The following VWC2 variants were observed in gnomAD, a reference collection of about 807,000 sequenced individuals.
VWC2 encodes brorin.
A neutral mutation model predicts 29.8 loss-of-function variants in VWC2; 14 were observed. The ratio of observed to expected loss-of-function variants is 0.47; its 90% confidence interval spans 0.31 to 0.74. The LOEUF (loss-of-function observed/expected upper bound fraction) is 0.74. Ranked by LOEUF, VWC2 falls within the 30% of genes least tolerant of loss-of-function variation. The probability of loss-of-function intolerance (pLI) is 0.05; values close to 1 mark genes in which losing one functional copy is unlikely to be tolerated. For synonymous variants in VWC2, 213 were observed against 199.0 expected (o/e 1.07, Z -0.59); for missense variants, 457 against 459.8 (o/e 0.99, Z 0.05).
chr7:49,879,824 T>C (rs1055050775), intron 3 of VWC2, among the ~76,000 whole-genome samples: 1 of 152,178 alleles, frequency 6.6e-6, no homozygotes, highest in Non-Finnish European at 1.5e-5. Context: ...TCAGTGGATA[T>C]TTTTCTCATT....
intron 3 of VWC2, among the ~76,000 whole-genome samples, chr7:49,853,080 A>C (rs1790259559): frequency 6.6e-6 from 1 of 152,260 alleles, no homozygotes; most frequent in South Asian, 2.1e-4. Flanking sequence ...CAGCATGCCC[A>C]GCTCTTGCTG....
rs1038049890 is a variant in VWC2 at position 49,801,021 on chromosome 7, T to C, written c.697-1690T>C. 2.8e-4 allele frequency among the ~76,000 whole-genome samples: 43 copies of C among 152,282 alleles called. No homozygotes were observed. In the Middle Eastern group the frequency reaches 0.01, roughly 36 times the overall value. On this transcript the variant is annotated intron_variant, in intron 2 of 3. Coordinates refer to ENST00000340652, the MANE Select transcript of VWC2 (RefSeq NM_198570.5). ...CTAAAGTTTTTCAAAGTTTCCTTTC[T>C]TTTTTACATTTTTTTGGCCAAGTAC...
At chr7:49,901,912 CAG>C (rs1792756652) in intron 3 of VWC2, among the ~76,000 whole-genome samples, 1 of 151,858 alleles carries the variant, frequency 6.6e-6, no homozygotes, top group Admixed American at 6.6e-5. Flanking sequence ...TGTTTGCTAA[CAG>C]AGTAAACATA....
At position 49,919,497 on chromosome 7, in the gene VWC2, C is replaced by T. The variant is rs1793907289; in HGVS notation, c.*7312C>T. The T allele has an allele frequency of 6.6e-6, 1 of 152,046 alleles. No homozygotes were observed. The highest frequency in any genetic ancestry group is 2.1e-4 in the South Asian group (1 of 4,822). The allele number at this position is 152,046 out of a possible 1,614,324, so 9.4% of individuals were successfully genotyped here. A position where few individuals can be genotyped will look rare whatever the true frequency, so the allele number is the denominator to read the frequency against. ...TTGTATGTTCCAATGACATAAAAAACTAAGTGCCTGCTTGGGCTAGTTATA... is the reference window on the plus strand; with the variant it reads ...TTGTATGTTCCAATGACATAAAAAATTAAGTGCCTGCTTGGGCTAGTTATA... On this transcript the variant is annotated 3_prime_UTR_variant, in exon 4 of 4. Transcript: ENST00000340652.
At chr7:49,911,921 A>G (rs938240458) in intron 3 of VWC2, 113 bp from the exon 4 acceptor site, 36 of 743,152 alleles carry the variant, frequency 4.8e-5, no homozygotes, top group Non-Finnish European at 6.3e-5. Flanking sequence ...AAACAAATAC[A>G]CGCACACACA....
chr7:49,855,153 T>C (rs1326462864), intron 3 of VWC2, among the ~76,000 whole-genome samples: 3 of 152,248 alleles, frequency 2.0e-5, no homozygotes, highest in African/African-American at 7.2e-5. Context: ...ACATTAGTCT[T>C]AATAGTTAAT....
At chr7:49,861,766 G>T (rs893292219) in intron 3 of VWC2, among the ~76,000 whole-genome samples, 1 of 152,136 alleles carries the variant, frequency 6.6e-6, no homozygotes, top group Non-Finnish European at 1.5e-5. Context: ...TTTCTTCACT[G>T]AATAGACTTG....
At chr7:49,856,975 A>AC (rs1313282312) in intron 3 of VWC2, among the ~76,000 whole-genome samples, 1 of 122,036 alleles carries the variant, frequency 8.2e-6, no homozygotes, top group African/African-American at 3.2e-5. Context: ...GGGCCACTGC[A>AC]CTCCAACCTG....
At chr7:49,786,490 G>T (rs1788301517) in intron 2 of VWC2, among the ~76,000 whole-genome samples, 1 of 152,198 alleles carries the variant, frequency 6.6e-6, no homozygotes, top group African/African-American at 2.4e-5. Flanking sequence ...TTTCCTTTGG[G>T]TATATACCCA....
intron 3 of VWC2, among the ~76,000 whole-genome samples, chr7:49,805,621 T>G (rs916523164): frequency 1.3e-5 from 2 of 152,222 alleles, no homozygotes; most frequent in African/African-American, 4.8e-5. Context: ...AAATGCTCTA[T>G]AATAACTGAC....
At chr7:49,884,468 G>A (rs531358945) in intron 3 of VWC2, among the ~76,000 whole-genome samples, 14 of 152,236 alleles carry the variant, frequency 9.2e-5, no homozygotes, top group African/African-American at 3.1e-4. Context: ...ATTCGGGGTG[G>A]GGTAAGAAAG....
chr7:49,810,715 T>G (rs768828402), intron 3 of VWC2, among the ~76,000 whole-genome samples: 1 of 152,198 alleles, frequency 6.6e-6, no homozygotes, highest in Non-Finnish European at 1.5e-5. Context: ...AAATCCAGTA[T>G]GCAAATCTTT....
intron 2 of VWC2, among the ~76,000 whole-genome samples, chr7:49,797,306 T>G (rs1666907406): frequency 6.6e-6 from 1 of 152,240 alleles, no homozygotes; most frequent in Non-Finnish European, 1.5e-5. Flanking sequence ...TTACAATTAC[T>G]TGGAAAATTG....
intron 3 of VWC2, among the ~76,000 whole-genome samples, chr7:49,906,626 G>T (rs868215206): frequency 2.7e-4 from 41 of 152,218 alleles, no homozygotes; most frequent in African/African-American, 9.9e-4. Flanking sequence ...GTGAGCCACC[G>T]CACCCAGCCA....
intron 2 of VWC2, among the ~76,000 whole-genome samples, chr7:49,799,076 GA>G (rs1788671778): frequency 6.6e-6 from 1 of 152,228 alleles, no homozygotes. Context: ...TGGCATGGCT[GA>G]AAAGGGCAGG....
intron 3 of VWC2, among the ~76,000 whole-genome samples, chr7:49,898,389 AC>A (rs758487011): frequency 6.6e-5 from 10 of 151,704 alleles, no homozygotes; most frequent in Non-Finnish European, 1.2e-4. Context: ...TGGGTTTCTT[AC>A]CCATACAATT....
intron 3 of VWC2, among the ~76,000 whole-genome samples, chr7:49,816,169 G>T (rs1418242481): frequency 6.6e-6 from 1 of 152,176 alleles, no homozygotes; most frequent in Admixed American, 6.6e-5. Context: ...TGTAAGAATG[G>T]ATGCCGACTA....
chr7:49,788,484 G>T (rs1209177638), intron 2 of VWC2, among the ~76,000 whole-genome samples: 2 of 150,462 alleles, frequency 1.3e-5, no homozygotes, highest in African/African-American at 4.9e-5. Flanking sequence ...AGAGTGTGTG[G>T]GTGTGTAAGA....
At chr7:49,858,375 A>G (rs1790509880) in intron 3 of VWC2, among the ~76,000 whole-genome samples, 1 of 152,148 alleles carries the variant, frequency 6.6e-6, no homozygotes, top group Non-Finnish European at 1.5e-5. Flanking sequence ...CTATGCAGCC[A>G]TAAAAAAGGA....
Sources: gnomAD v4.1 joint callset for allele counts (sites outside exome capture counted in the v4.1 genomes callset) on GRCh38, gnomAD v4.1.1 for gene constraint, MANE v1.5 for transcripts, NCBI Gene and HGNC (gene_info 2026-07-23, HGNC 2026-07-21) for gene names.